SORCS2: variants seen among roughly 807,000 people sequenced by gnomAD.
SORCS2 encodes sortilin related VPS10 domain containing receptor 2.
SORCS2 carries 100 observed loss-of-function variants against 141.6 expected under a neutral mutation model. The ratio of observed to expected loss-of-function variants is 0.71; its 90% CI spans 0.60 to 0.83. The LOEUF (loss-of-function observed/expected upper bound fraction) is 0.83. Among genes scored for constraint, SORCS2 ranks in the 40% least tolerant of loss-of-function variants. The probability of loss-of-function intolerance (pLI) is 0.00; values close to 1 mark genes in which losing one functional copy is unlikely to be tolerated. For missense variants in SORCS2, 1,646 were observed against 1,560.2 expected, an observed-to-expected ratio of 1.05 and a Z score of -0.93; for synonymous variants, 789 against 676.9, an observed-to-expected ratio of 1.17 and a Z score of -2.57.
intron 2 of SORCS2, among the ~76,000 whole-genome samples, chr4:7,444,115 A>T (rs1727845714): frequency 6.6e-6 from 1 of 152,094 alleles, no homozygotes. Flanking sequence ...AAAAGCAAAC[A>T]CTTGTACCAT....
At chr4:7,536,297 C>T (rs781255939) in intron 3 of SORCS2, among the ~76,000 whole-genome samples, 3 of 152,300 alleles carry the variant, frequency 2.0e-5, no homozygotes, top group South Asian at 2.1e-4. Flanking sequence ...AATGCATATA[C>T]GGTACCTAGA....
Position 7,204,091 on chromosome 4 carries a change from T to G in SORCS2, c.480+10965T>G, listed in dbSNP as rs1338108092. On this transcript the variant is annotated intron_variant, in intron 1 of 26. Transcript: ENST00000507866. Reference sequence around the variant, plus strand: ...GATGGGCGTTTGGGTTGTTTCCACCTTTTGGGTAGTGTGAATTAGGCTGCT... The same window carrying G: ...GATGGGCGTTTGGGTTGTTTCCACCGTTTGGGTAGTGTGAATTAGGCTGCT... Among the ~76,000 whole-genome samples the G allele has an allele frequency of 2.0e-5, 3 of 152,218 alleles. No homozygotes were observed. The East Asian group carries it at 5.8e-4, about 29-fold the overall frequency.
intron 3 of SORCS2, among the ~76,000 whole-genome samples, chr4:7,561,401 TACCCATCCATCC>T (rs1163436461): frequency 6.6e-6 from 1 of 152,230 alleles, no homozygotes; most frequent in African/African-American, 2.4e-5. Flanking sequence ...TACATCCATC[TACCCATCCATCC>T]ATGTATCCAT....
intron 1 of SORCS2, among the ~76,000 whole-genome samples, chr4:7,259,906 TGGGCCACCCAGCCTGTTGGGCA>T (rs993056625): frequency 2.0e-5 from 3 of 152,200 alleles, no homozygotes; most frequent in Admixed American, 2.0e-4. Flanking sequence ...TGTTCACCAT[TGGGCCACCCAGCCTGTTGGGCA>T]GGACAGAGTT....
intron 3 of SORCS2, among the ~76,000 whole-genome samples, chr4:7,614,667 C>A (rs1389074692): frequency 6.7e-6 from 1 of 148,740 alleles, no homozygotes; most frequent in Non-Finnish European, 1.5e-5. Context: ...CCATCCACCA[C>A]CCACCCATCA....
intron 1 of SORCS2, among the ~76,000 whole-genome samples, chr4:7,380,064 G>C (rs895437495): frequency 2.6e-5 from 4 of 152,108 alleles, no homozygotes; most frequent in African/African-American, 9.7e-5. Context: ...CTCAACAATG[G>C]CCATTTCTTC....
At chr4:7,414,435 C>T (rs6835140) in intron 2 of SORCS2, among the ~76,000 whole-genome samples, 36,351 of 152,102 alleles carry the variant, frequency 0.24, 5,098 homozygotes, top group South Asian at 0.37. Flanking sequence ...GTGGGAGCCG[C>T]GGGGCAATGG....
chr4:7,505,869 T>C (rs900175860), intron 2 of SORCS2, among the ~76,000 whole-genome samples: 1 of 152,124 alleles, frequency 6.6e-6, no homozygotes, highest in African/African-American at 2.4e-5. Flanking sequence ...GAGTGAAGAT[T>C]CAGTGGCAGT....
intron 3 of SORCS2, among the ~76,000 whole-genome samples, chr4:7,561,885 A>G (rs1470435198): frequency 6.6e-6 from 1 of 152,028 alleles, no homozygotes; most frequent in East Asian, 1.9e-4. Flanking sequence ...CCATTCATCC[A>G]TCTACCTATC....
intron 1 of SORCS2, among the ~76,000 whole-genome samples, chr4:7,315,339 A>C (rs568472834): frequency 1.3e-5 from 2 of 152,210 alleles, no homozygotes; most frequent in African/African-American, 2.4e-5. Flanking sequence ...CTTGGTGTGT[A>C]GTAGGTGCTC....
Position 7,712,591 on chromosome 4 carries a change from C to T in SORCS2, c.1869-142C>T, listed in dbSNP as rs1245106304. 7 of 1,272,468 alleles carry T rather than the reference C, an allele frequency of 5.5e-6. No homozygotes were observed. The African/African-American group carries it at 1.0e-4, about 19-fold the overall frequency. 78.8% of individuals were successfully genotyped at this position (1,272,468 alleles called of 1,614,324 possible). On this transcript the variant is annotated intron_variant, in intron 14 of 26. Transcript: ENST00000507866. Reference sequence around the variant, plus strand: ...GCTCGGTGACCGGGGCAGCCTCGCTCTGATCTCCAGCAAGGGCAGGAGAAG... The same window carrying T: ...GCTCGGTGACCGGGGCAGCCTCGCTTTGATCTCCAGCAAGGGCAGGAGAAG...
rs756397009 is a variant in SORCS2, at chr4:7,689,545, C to T, written c.1548C>T (p.Thr516=). 7.5e-5 allele frequency: 120 copies of T among 1,606,742 alleles called. No homozygotes were observed. Among genetic ancestry groups the T allele is most frequent in the African/African-American group, 1.6e-4 (12 of 74,814 alleles). Residue 516 remains threonine (T), a synonymous_variant, in exon 11 of 27, where the codon ACC becomes ACT. Transcript: ENST00000507866. ...CAGACAACCCCTACGTATCAGGCAC[C>T]GTGCACACCAAGGACACCGCCCCAG... The part of the protein sequence containing the change: ...RWADNPYVSG[T]VHTKDTAPGL...
chr4:7,325,047 G>A (rs961099246), intron 1 of SORCS2, among the ~76,000 whole-genome samples: 2 of 152,278 alleles, frequency 1.3e-5, no homozygotes, highest in Admixed American at 6.5e-5. Context: ...ACAGGACCTT[G>A]GGCTGCAGAC....
intron 2 of SORCS2, among the ~76,000 whole-genome samples, chr4:7,489,696 G>A (rs544531324): frequency 7.2e-5 from 11 of 152,038 alleles, no homozygotes; most frequent in Admixed American, 1.3e-4. Context: ...CAAAATAATC[G>A]CACATAATTT....
At chr4:7,415,280 C>T (rs1402585783) in intron 2 of SORCS2, among the ~76,000 whole-genome samples, 2 of 152,330 alleles carry the variant, frequency 1.3e-5, no homozygotes, top group South Asian at 4.2e-4. Context: ...CTACTGGGCT[C>T]CAGTCAAGAT....
At position 7,337,245 on chromosome 4, in the gene SORCS2, G is replaced by T. The variant is rs141667417; in HGVS notation, c.481-59043G>T. ...ACGATTAGTCAAACACCTACTGTGT[G>T]CGGGGCCTTATGGGGAGACCTGACG... On this transcript the variant is annotated intron_variant, in intron 1 of 26. Transcript: ENST00000507866. 3.2e-4 allele frequency among the ~76,000 whole-genome samples: 48 copies of T among 152,256 alleles called. 1 individual carries two copies. The East Asian group carries it at 8.1e-3, about 26-fold the overall frequency.
At chr4:7,245,629 C>A (rs868028260) in intron 1 of SORCS2, among the ~76,000 whole-genome samples, 1 of 152,180 alleles carries the variant, frequency 6.6e-6, no homozygotes, top group Non-Finnish European at 1.5e-5. Flanking sequence ...TGTGCACAGA[C>A]GCGAGAGTGT....
At chr4:7,719,168 C>T (rs1577113937) in intron 18 of SORCS2, among the ~76,000 whole-genome samples, 1 of 152,168 alleles carries the variant, frequency 6.6e-6, no homozygotes, top group African/African-American at 2.4e-5. Context: ...TGATGTGTGT[C>T]CTGTTTAAAT....
At chr4:7,660,553 TAGG>T (rs1195475946) in intron 5 of SORCS2, among the ~76,000 whole-genome samples, 5 of 152,180 alleles carry the variant, frequency 3.3e-5, no homozygotes, top group African/African-American at 4.8e-5. Context: ...CTCGTGGTAT[TAGG>T]AGAAGGCCTT....
Sources: gnomAD v4.1 joint callset for allele counts (sites outside exome capture counted in the v4.1 genomes callset) on GRCh38, gnomAD v4.1.1 for gene constraint, MANE v1.5 for transcripts, NCBI Gene and HGNC (gene_info 2026-07-23, HGNC 2026-07-21) for gene names.